Variants in HSPA12A observed in about 807,000 individuals in gnomAD.
HSPA12A encodes the protein heat shock 70 kDa protein 12A.
Under a neutral mutation model 69.2 loss-of-function variants are expected in HSPA12A, and 28 were observed. That is an observed-to-expected ratio of 0.40 (90% confidence interval 0.30 to 0.55). The LOEUF (loss-of-function observed/expected upper bound fraction) is 0.55, where lower values mean the gene tolerates loss of function less well. Ranked by LOEUF, HSPA12A falls within the 20% of genes least tolerant of loss-of-function variation. HSPA12A has a pLI of 0.38. For missense variants in HSPA12A, 686 were observed against 900.7 expected, an observed-to-expected ratio of 0.76 and a Z score of 3.05; for synonymous variants, 345 against 370.5, an observed-to-expected ratio of 0.93 and a Z score of 0.79.
intron 1 of HSPA12A, among the ~76,000 whole-genome samples, chr10:116,848,941 A>G (rs1363199127): frequency 6.6e-6 from 1 of 152,176 alleles, no homozygotes; most frequent in Non-Finnish European, 1.5e-5. Flanking sequence ...CCTGGACATC[A>G]TAGCAGGCCC....
intron 1 of HSPA12A, 58 bp downstream of exon 1, chr10:116,742,372 C>T: frequency 2.1e-6 from 3 of 1,413,706 alleles, no homozygotes; most frequent in Non-Finnish European, 2.8e-6. Context: ...GGGCCAAGCG[C>T]GCCTCCTCCC....
chr10:116,754,584 G>T (rs1158962604), intron 2 of HSPA12A, among the ~76,000 whole-genome samples: 8 of 152,218 alleles, frequency 5.3e-5, no homozygotes, highest in Non-Finnish European at 1.2e-4. Flanking sequence ...GAGCCTAAGT[G>T]TGTGCATGTA....
chr10:116,724,721 G>A (rs1233464689), intron 1 of HSPA12A, among the ~76,000 whole-genome samples: 1 of 152,344 alleles, frequency 6.6e-6, no homozygotes. Flanking sequence ...ACAGTGTGGG[G>A]CAGAGGAGAC....
At chr10:116,770,356 T>C (rs75342456) in intron 2 of HSPA12A, among the ~76,000 whole-genome samples, 7,892 of 152,216 alleles carry the variant, frequency 0.052, 674 homozygotes, top group African/African-American at 0.18. Context: ...AAGGGGCAGA[T>C]GTGGGGAGGT....
intron 6 of HSPA12A, among the ~76,000 whole-genome samples, chr10:116,691,847 G>A (rs1849746672): frequency 1.3e-5 from 2 of 152,268 alleles, no homozygotes; most frequent in African/African-American, 4.8e-5. Flanking sequence ...CCCGCTGAGT[G>A]AAGTGTGCAG....
intron 1 of HSPA12A, among the ~76,000 whole-genome samples, chr10:116,836,515 A>C (rs766841602): frequency 3.3e-5 from 5 of 152,206 alleles, no homozygotes; most frequent in Non-Finnish European, 5.9e-5. Context: ...TTGATCATAT[A>C]AAGTAATTGC....
intron 1 of HSPA12A, among the ~76,000 whole-genome samples, chr10:116,726,394 C>A (rs1433143242): frequency 6.6e-6 from 1 of 152,150 alleles, no homozygotes; most frequent in Non-Finnish European, 1.5e-5. Context: ...CCTCTCTCCC[C>A]ACGCATGCAT....
chr10:116,796,391 C>T (rs531810131), intron 2 of HSPA12A, among the ~76,000 whole-genome samples: 2 of 152,082 alleles, frequency 1.3e-5, no homozygotes, highest in African/African-American at 4.8e-5. Flanking sequence ...GTAAAGACAA[C>T]GGGTCTTCGG....
rs145619675 is a variant in HSPA12A, at chr10:116,706,055, C to T, written c.127-777G>A. ...GACTATAGGCACCCGCCACCACACC[C>T]GGCTAATTTCTTGTATTTTTTAGTA... is the stretch of plus-strand genomic sequence containing the variant. On this transcript the variant is annotated intron_variant, in intron 2 of 11. Transcript: ENST00000369209. Among the ~76,000 whole-genome samples the T allele has an allele frequency of 1.6e-3, 239 of 152,040 alleles. 2 individuals carry two copies. Among genetic ancestry groups the T allele is most frequent in the African/African-American group, 5.6e-3 (233 of 41,490 alleles).
At chr10:116,701,687 G>C (rs1159239622) in intron 3 of HSPA12A, among the ~76,000 whole-genome samples, 3 of 152,220 alleles carry the variant, frequency 2.0e-5, no homozygotes. Flanking sequence ...ACTCCAGGCT[G>C]CTCAGAGGTG....
At chr10:116,725,321 G>T (rs1850919230) in intron 1 of HSPA12A, among the ~76,000 whole-genome samples, 1 of 152,162 alleles carries the variant, frequency 6.6e-6, no homozygotes, top group Non-Finnish European at 1.5e-5. Flanking sequence ...ACTCTGCTAG[G>T]GTCCCAGGCC....
intron 1 of HSPA12A, among the ~76,000 whole-genome samples, chr10:116,734,690 A>C (rs1156766943): frequency 7.3e-6 from 1 of 137,850 alleles, no homozygotes; most frequent in African/African-American, 2.7e-5. Flanking sequence ...TTAGCCTTCA[A>C]TCATGAAAAA....
Position 116,782,932 on chromosome 10 carries a change from G to A in HSPA12A, c.91+52003C>T, listed in dbSNP as rs12253715. ...GCCCAGGACACAGGGTCACCCTCAC[G>A]GAGGGTACTGGAAGCCTTAGAAGTA... On this transcript the variant is annotated intron_variant, in intron 2 of 12. Coordinates refer to the HSPA12A transcript ENST00000635765. Among the ~76,000 whole-genome samples the A allele has an allele frequency of 7.4e-3, 1,130 of 152,286 alleles. 9 individuals carry two copies. The highest frequency in any genetic ancestry group is 0.026 in the African/African-American group (1,066 of 41,566).
chr10:116,812,474 A>G (rs1193501729), intron 2 of HSPA12A, among the ~76,000 whole-genome samples: 1 of 151,386 alleles, frequency 6.6e-6, no homozygotes, highest in African/African-American at 2.4e-5. Flanking sequence ...AAAATAAAAT[A>G]AATAAAATAA....
In HSPA12A at chr10:116,733,396, C is replaced by G. The variant is rs541336659; in HGVS notation, c.40+9034G>C. On this transcript the variant is annotated intron_variant, in intron 1 of 11. Transcript: ENST00000369209. The stretch of plus-strand genomic sequence containing the variant: ...TCCCTGTCCCAAACAGAACCAGCCG[C>G]CTGGGTACAGGAACCACTGTTCCTC... 1.6e-4 allele frequency among the ~76,000 whole-genome samples: 25 copies of G among 152,302 alleles called. No individual in the cohort carries two copies. The East Asian group carries it at 4.8e-3, about 29-fold the overall frequency.
chr10:116,714,083 G>GTGGATGGA (rs1333903689), intron 1 of HSPA12A, among the ~76,000 whole-genome samples: 3 of 151,532 alleles, frequency 2.0e-5, no homozygotes, highest in Admixed American at 6.6e-5. Flanking sequence ...GGGTGGGTGA[G>GTGGATGGA]TGGATGGATG....
At chr10:116,714,034 G>GGGTGGGTGGATGGATGGGTGGGTGGAT (rs1564791893) in intron 1 of HSPA12A, among the ~76,000 whole-genome samples, 13 of 150,900 alleles carry the variant, frequency 8.6e-5, no homozygotes, top group African/African-American at 3.2e-4. Context: ...ATGGATGGAT[G>GGGTGGGTGGATGGATGGGTGGGTGGAT]GGTGGGTGGA....
chr10:116,690,142 C>A lies in HSPA12A; in HGVS notation c.663+2209G>T, dbSNP rs1050189590. Among the ~76,000 whole-genome samples, 6 of 152,152 alleles carry A rather than the reference C, an allele frequency of 3.9e-5. No homozygotes were observed. The East Asian group carries it at 1.2e-3, about 29-fold the overall frequency. On this transcript the variant is annotated intron_variant, in intron 6 of 11. Transcript: ENST00000369209. The stretch of plus-strand genomic sequence containing the variant: ...GATGTTAATTTTGCTCATAGAGTTG[C>A]AAATTTCACTTCCACTTTGTCCTAA...
At chr10:116,750,240 G>A in intron 2 of HSPA12A, 2 of 789,526 alleles carry the variant, frequency 2.5e-6, no homozygotes, top group South Asian at 2.7e-5. Context: ...AATAGGTCTG[G>A]CATGGGCAAG....
Sources: allele counts gnomAD v4.1 joint callset (sites outside exome capture counted in the v4.1 genomes callset), GRCh38; gene constraint gnomAD v4.1.1; transcripts MANE v1.5; gene names NCBI Gene and HGNC (gene_info 2026-07-23, HGNC 2026-07-21).